The following RUNX1T1 variants were observed in gnomAD, a reference collection of about 807,000 sequenced individuals.
RUNX1T1 encodes the protein protein CBFA2T1.
RUNX1T1 carries 4 observed loss-of-function variants against 62.8 expected under a neutral mutation model. That is an observed-to-expected ratio of 0.06 (90% confidence interval 0.03 to 0.15). RUNX1T1 has a LOEUF of 0.15. RUNX1T1 is among the 10% of genes least tolerant of loss of function. RUNX1T1 has a pLI of 1.00. For synonymous variants in RUNX1T1, 291 were observed against 286.0 expected, an observed-to-expected ratio of 1.02 and a Z score of -0.18; for missense variants, 508 against 754.3, an observed-to-expected ratio of 0.67 and a Z score of 3.82.
At chr8:92,019,715 C>A (rs1459805079) in intron 1 of RUNX1T1, among the ~76,000 whole-genome samples, 3 of 152,090 alleles carry the variant, frequency 2.0e-5, no homozygotes, top group African/African-American at 4.8e-5. Flanking sequence ...CAATAAGTTT[C>A]CTCCTCAATT....
chr8:91,963,918 A>G (rs1424272270), intron 10 of RUNX1T1, among the ~76,000 whole-genome samples: 1 of 152,218 alleles, frequency 6.6e-6, no homozygotes, highest in East Asian at 1.9e-4. Flanking sequence ...TCCATATCAC[A>G]GCAAATTTCA....
chr8:92,060,135 A>G lies in RUNX1T1; in HGVS notation c.7+2411T>C, dbSNP rs568360681. 3.3e-5 allele frequency among the ~76,000 whole-genome samples: 5 copies of G among 152,208 alleles called. No individual in the cohort carries two copies. In the South Asian group the frequency reaches 1.0e-3, roughly 32 times the overall value. ...TCTCCCAGCCTTCTCATAAGAAAAC[A>G]TTTTCCTTTTCTTAAACACAAGGAT... On this transcript the variant is annotated intron_variant, in intron 1 of 10. Coordinates refer to ENST00000396218, the Ensembl canonical transcript of RUNX1T1.
chr8:92,096,074 A>C (rs1837723494), intron 1 of RUNX1T1, among the ~76,000 whole-genome samples: 2 of 152,182 alleles, frequency 1.3e-5, no homozygotes, highest in South Asian at 4.1e-4. Context: ...CAATACTCCT[A>C]AATTCCAGCC....
exon 11 of RUNX1T1, chr8:91,959,402 A>G: frequency 5.0e-6 from 1 of 200,716 alleles, no homozygotes; most frequent in Non-Finnish European, 9.8e-6. Context: ...CTGCAGGCTG[A>G]GTCTCTTACT....
chr8:92,003,038 T>C (rs931477507), intron 5 of RUNX1T1, among the ~76,000 whole-genome samples: 10 of 152,202 alleles, frequency 6.6e-5, no homozygotes, highest in African/African-American at 2.4e-4. Context: ...TTGCCATCTT[T>C]GAGATATAAT....
intron 6 of RUNX1T1, 62 bp downstream of exon 7, chr8:91,991,577 A>G (rs2130879855): frequency 6.6e-7 from 1 of 1,520,282 alleles, no homozygotes; most frequent in Non-Finnish European, 9.0e-7. Context: ...AAGTTCAGAA[A>G]TAATGGTGCA....
intron 1 of RUNX1T1, among the ~76,000 whole-genome samples, chr8:92,090,230 T>C (rs1836779768): frequency 6.6e-6 from 1 of 151,442 alleles, no homozygotes; most frequent in Admixed American, 6.6e-5. Context: ...CTTTACACTA[T>C]GAAACTAGTT....
intron 1 of RUNX1T1, among the ~76,000 whole-genome samples, chr8:92,027,358 T>A (rs919737139): frequency 6.6e-6 from 1 of 152,098 alleles, no homozygotes; most frequent in African/African-American, 2.4e-5. Flanking sequence ...GAACAATGAC[T>A]CTGAAATGTT....
intron 2 of RUNX1T1, among the ~76,000 whole-genome samples, chr8:92,069,916 G>A (rs1004357609): frequency 4.6e-5 from 7 of 152,082 alleles, no homozygotes; most frequent in Admixed American, 1.3e-4. Flanking sequence ...ATACCTAAAT[G>A]TCCTTTTTTC....
intron 1 of RUNX1T1, among the ~76,000 whole-genome samples, chr8:92,034,043 C>T (rs924862307): frequency 6.6e-6 from 1 of 151,768 alleles, no homozygotes; most frequent in Non-Finnish European, 1.5e-5. Flanking sequence ...GGGTAAAAAG[C>T]AGGATTCAAG....
At chr8:92,017,630 G>A in intron 1 of RUNX1T1, 2 of 1,333,982 alleles carry the variant, frequency 1.5e-6, no homozygotes, top group African/African-American at 2.9e-5. Flanking sequence ...TACCTTGGTA[G>A]TGTTATATGC....
At chr8:92,049,963 C>T (rs1007168908) in intron 1 of RUNX1T1, among the ~76,000 whole-genome samples, 1 of 152,050 alleles carries the variant, frequency 6.6e-6, no homozygotes, top group Non-Finnish European at 1.5e-5. Context: ...AATAACTATG[C>T]AACTAATAAG....
intron 1 of RUNX1T1, among the ~76,000 whole-genome samples, chr8:92,050,948 C>T (rs1830138963): frequency 6.6e-6 from 1 of 152,128 alleles, no homozygotes. Flanking sequence ...TGCTATTCCT[C>T]TGTCACTAAA....
chr8:92,067,292 C>G (rs1311819662), upstream of RUNX1T1, among the ~76,000 whole-genome samples: 1 of 152,174 alleles, frequency 6.6e-6, no homozygotes, highest in Non-Finnish European at 1.5e-5. Context: ...CACTATAGAA[C>G]ACAGTGGCCC....
At chr8:92,102,801 T>C, upstream of RUNX1T1, 8 of 1,475,384 alleles carry the variant, frequency 5.4e-6, no homozygotes, top group Non-Finnish European at 7.2e-6. This position sits in a 1 kb window ranked among gnomAD's most constrained non-coding sequence, Gnocchi z 4.5. Context: ...TTAATAACAG[T>C]CAGGGGCCCG....
At chr8:92,015,998 TG>T (rs1224728465) in intron 2 of RUNX1T1, among the ~76,000 whole-genome samples, 1 of 152,202 alleles carries the variant, frequency 6.6e-6, no homozygotes, top group African/African-American at 2.4e-5. Flanking sequence ...GTCTTTTAAA[TG>T]GCAGTGCAAC....
At chr8:92,056,335 T>TC (rs1207623645) in intron 1 of RUNX1T1, among the ~76,000 whole-genome samples, 1 of 152,168 alleles carries the variant, frequency 6.6e-6, no homozygotes, top group African/African-American at 2.4e-5. Context: ...CCCTCCTACA[T>TC]CCCTTCTTCC....
chr8:92,097,257 C>A (rs1337557084), intron 1 of RUNX1T1, among the ~76,000 whole-genome samples: 1 of 152,072 alleles, frequency 6.6e-6, no homozygotes, highest in Middle Eastern at 3.2e-3. Context: ...GAGAAGGGTG[C>A]AAGGATAGGA....
intron 9 of RUNX1T1, 64 bp downstream of exon 10, chr8:91,975,841 C>G: frequency 9.5e-7 from 1 of 1,056,150 alleles, no homozygotes; most frequent in Non-Finnish European, 1.5e-6. Context: ...TTCCTCACAT[C>G]ACTACATTAA....
Sources: allele counts gnomAD v4.1 joint callset (sites outside exome capture counted in the v4.1 genomes callset), GRCh38; gene constraint gnomAD v4.1.1; non-coding constraint Gnocchi (gnomAD v3.1); transcripts MANE v1.5; gene names NCBI Gene and HGNC (gene_info 2026-07-23, HGNC 2026-07-21).